Variants in COMT observed in about 807,000 individuals in gnomAD.
COMT encodes the protein catechol O-methyltransferase.
COMT carries 13 observed loss-of-function variants against 18.9 expected under a neutral mutation model. The ratio of observed to expected loss-of-function variants is 0.69; its 90% CI spans 0.45 to 1.09. The LOEUF is 1.09. Among genes scored for constraint, COMT ranks in the 50% least tolerant of loss-of-function variants. The pLI, the probability that COMT is intolerant of heterozygous loss-of-function variation, is 0.00. For synonymous variants in COMT, 150 were observed against 160.9 expected, an observed-to-expected ratio of 0.93 and a Z score of 0.51; for missense variants, 329 against 361.8, an observed-to-expected ratio of 0.91 and a Z score of 0.73.
Position 19,962,726 on chromosome 22 carries a change from C to T in COMT, c.200C>T (p.Ala67Val), listed in dbSNP as rs757163626. The change falls in exon 3 of 6, where the codon GCG becomes GTG. Residue 67 changes from alanine (A) to valine (V), a missense_variant. Transcript: ENST00000361682. ...ATCCTGAACCACGTGCTGCAGCATGCGGAGCCCGGGAACGCACAGAGCGTG... is the reference window on the plus strand; with the variant it reads ...ATCCTGAACCACGTGCTGCAGCATGTGGAGCCCGGGAACGCACAGAGCGTG... ...QRILNHVLQH[A>V]EPGNAQSVLE... 7.4e-6 allele frequency: 12 copies of T among 1,613,574 alleles called. No individual in the cohort carries two copies. The highest frequency in any genetic ancestry group is 1.7e-5 in the Admixed American group (1 of 59,994).
In COMT at chr22:19,950,261, T is replaced by TTTTTTTTTTTTG. The variant is rs763598655; in HGVS notation, c.-92+8366_-92+8367insTTTTTTTTTGTT. ...CTTTTCTTTTTTTTTTTTTTTTTTTTTTCTGTAGAGACAAGGTCTTGCTGT... is the reference window on the plus strand; with the variant it reads ...CTTTTCTTTTTTTTTTTTTTTTTTTTTTTTTTTTTTTGTTCTGTAGAGACAAGGTCTTGCTGT... On this transcript the variant is annotated intron_variant, in intron 1 of 5. Coordinates refer to ENST00000361682, the MANE Select transcript of COMT (RefSeq NM_000754.4). 2.2e-3 allele frequency among the ~76,000 whole-genome samples: 291 copies of TTTTTTTTTTTTG among 132,776 alleles called. 1 individual carries two copies. Among genetic ancestry groups the TTTTTTTTTTTTG allele is most frequent in the Middle Eastern group, 5.2e-3 (1 of 194 alleles). 87.1% of individuals were successfully genotyped at this position (132,776 alleles called of 152,430 possible).
At chr22:19,961,380 C>T (rs1942188506) in intron 2 of COMT, 91 bp downstream of exon 2, 1 of 152,306 alleles carries the variant, frequency 6.6e-6, no homozygotes, top group South Asian at 2.1e-4. Context: ...CACATGTCCA[C>T]TCTGCCTGTG....
rs755825980 is a variant in COMT at position 19,962,799 on chromosome 22, C to G, written c.273C>G (p.Asn91Lys). ...TYCEQKEWAMNVGDKKGKIVD... is the reference protein window; with the variant it reads ...TYCEQKEWAMKVGDKKGKIVD... Reference sequence around the variant, plus strand: ...GCGAGCAGAAGGAGTGGGCCATGAACGTGGGCGACAAGAAAGGTGGGGTCC... The same window carrying G: ...GCGAGCAGAAGGAGTGGGCCATGAAGGTGGGCGACAAGAAAGGTGGGGTCC... The change falls in exon 3 of 6, where the codon AAC (asparagine) becomes AAG (lysine). Residue 91 changes from asparagine to lysine, a missense_variant. Asn to Lys is a moderately conservative substitution (Grantham distance 94). Transcript: ENST00000361682. The G allele has an allele frequency of 1.2e-6, 2 of 1,604,774 alleles. No individual in the cohort carries two copies. Among genetic ancestry groups the G allele is most frequent in the Non-Finnish European group, 1.7e-6 (2 of 1,172,554 alleles).
intron 1 of COMT, among the ~76,000 whole-genome samples, chr22:19,942,672 G>C (rs1941760474): frequency 6.6e-6 from 1 of 152,210 alleles, no homozygotes; most frequent in Non-Finnish European, 1.5e-5. Flanking sequence ...CTGCCCTGCA[G>C]AGCCCAGTGA....
chr22:19,962,979 G>T, intron 3 of COMT, 164 bp downstream of exon 3: 1 of 886,334 alleles, frequency 1.1e-6, no homozygotes, highest in Non-Finnish European at 1.7e-6. Flanking sequence ...CAGGGTGCCA[G>T]GGTCCCTGAT....
chr22:19,962,572 C>CTGGTGCTGCTGG lies in COMT; in HGVS notation c.58_69dup (p.Val20_Leu23dup), dbSNP rs1942218448. ...GCTGTTGGCAGCTGTGTTGCTGGGC[C>CTGGTGCTGCTGG]TGGTGCTGCTGGTGGTGCTGCTGCT... On this transcript the variant is annotated inframe_insertion, in exon 3 of 6. Coordinates refer to ENST00000361682, the MANE Select transcript of COMT (RefSeq NM_000754.4). 5.7e-6 allele frequency: 9 copies of CTGGTGCTGCTGG among 1,569,448 alleles called. No homozygotes were observed. The highest frequency in any genetic ancestry group is 7.8e-6 in the Non-Finnish European group (9 of 1,157,838).
rs1392426683 is a variant in COMT, at chr22:19,946,914, T to G, written c.-92+5017T>G. On this transcript the variant is annotated intron_variant, in intron 1 of 5. Coordinates refer to ENST00000361682, the MANE Select transcript of COMT (RefSeq NM_000754.4). The stretch of plus-strand genomic sequence containing the variant: ...ATTAAAAAAAATTTTTTTTTAGTTT[T>G]TTTTTTTTTTTTTTTTTTTGAGACA... Among the ~76,000 whole-genome samples the G allele has an allele frequency of 9.1e-5, 13 of 142,502 alleles. 1 individual carries two copies. Among genetic ancestry groups the G allele is most frequent in the Non-Finnish European group, 1.5e-4 (10 of 64,970 alleles). 93.5% of individuals were successfully genotyped at this position (142,502 alleles called of 152,430 possible). A position where few individuals can be genotyped will look rare whatever the true frequency, so the allele number is the denominator to read the frequency against.
intron 1 of COMT, among the ~76,000 whole-genome samples, chr22:19,955,919 C>T (rs537928670): frequency 6.6e-6 from 1 of 152,244 alleles, no homozygotes; most frequent in South Asian, 2.1e-4. Context: ...TGCTGTGCAG[C>T]CCAGTCTTTC....
intron 2 of COMT, 40 bp from the exon 3 acceptor site, chr22:19,962,487 G>C (rs753104108): frequency 1.9e-6 from 3 of 1,549,652 alleles, no homozygotes; most frequent in Non-Finnish European, 2.6e-6. Flanking sequence ...GCTGCAGGAG[G>C]AGCACAGAGC....
chr22:19,953,525 C>A (rs2146142105), intron 1 of COMT, among the ~76,000 whole-genome samples: 1 of 152,262 alleles, frequency 6.6e-6, no homozygotes, highest in Middle Eastern at 3.4e-3. Context: ...CAACTCCAGA[C>A]CTTGTGATCT....
At chr22:19,965,809 G>C (rs924576805) in intron 5 of COMT, among the ~76,000 whole-genome samples, 4 of 152,140 alleles carry the variant, frequency 2.6e-5, no homozygotes, top group African/African-American at 9.7e-5. Flanking sequence ...GTGGCCAAGG[G>C]GGTGGGCATT....
chr22:19,946,979 G>T (rs534688471), intron 1 of COMT, among the ~76,000 whole-genome samples: 1 of 138,410 alleles, frequency 7.2e-6, no homozygotes, highest in Admixed American at 8.0e-5. Context: ...GCAGTGGCAC[G>T]ATCTCGGCTC....
chr22:19,961,722 TCTGC>T (rs1056872092), intron 2 of COMT: 2 of 152,296 alleles, frequency 1.3e-5, no homozygotes, highest in Non-Finnish European at 2.9e-5. Context: ...CCCCTGGGCT[TCTGC>T]CTCAGGCCTC....
At chr22:19,959,801 CCCCA>C (rs1942151677) in intron 1 of COMT, among the ~76,000 whole-genome samples, 1 of 23,568 alleles carries the variant, frequency 4.2e-5, no homozygotes. Context: ...CTTCCCCATC[CCCCA>C]TGGCTCTTGG....
In COMT at chr22:19,968,519, C is replaced by T. The variant is rs761850766; in HGVS notation, c.616-17C>T. 4.3e-6 allele frequency: 7 copies of T among 1,612,116 alleles called. No homozygotes were observed. The highest frequency in any genetic ancestry group is 1.7e-5 in the Admixed American group (1 of 59,818). The stretch of plus-strand genomic sequence containing the variant: ...ACCTCTGACCCTCACCTCCCCCACC[C>T]CCCGGTCTGTTTGCAGGAATGTGGC... On this transcript the variant is annotated splice_polypyrimidine_tract_variant and intron_variant, in intron 5 of 5. Transcript: ENST00000361682.
chr22:19,959,172 G>C (rs1412772802), intron 1 of COMT, among the ~76,000 whole-genome samples: 1 of 152,230 alleles, frequency 6.6e-6, no homozygotes, highest in Non-Finnish European at 1.5e-5. Context: ...CCCCATGGAG[G>C]GCTGACGGGG....
chr22:19,963,583 G>T lies in COMT; in HGVS notation c.307G>T (p.Val103Leu). 6.2e-7 allele frequency: 1 copy of T among 1,612,580 alleles called. No homozygotes were observed. ...GDKKGKIVDA[V>L]IQEHQPSVLL... ...CTGCACAGGCAAGATCGTGGACGCC[G>T]TGATTCAGGAGCACCAGCCCTCCGT... The change falls in exon 4 of 6, where the codon GTG becomes TTG. Residue 103 changes from valine to leucine, a missense_variant. Physicochemically the swap from Val to Leu is conservative, Grantham distance 32. Coordinates refer to ENST00000361682, the MANE Select transcript of COMT (RefSeq NM_000754.4).
Position 19,962,695 on chromosome 22 carries a change from C to T in COMT, c.169C>T (p.Gln57Ter), listed in dbSNP as rs756145905. ...HNLLMGDTKE[Q>*]RILNHVLQHA... ...CCTGCTCATGGGTGACACCAAGGAG[C>T]AGCGCATCCTGAACCACGTGCTGCA... The change falls in exon 3 of 6, where the codon CAG becomes TAG. Residue 57 changes from glutamine (Q) to a stop codon, truncating the protein, a stop_gained. Coordinates refer to ENST00000361682, the MANE Select transcript of COMT (RefSeq NM_000754.4). LOFTEE classifies it high-confidence loss of function. 5 of 1,613,634 alleles carry T rather than the reference C, an allele frequency of 3.1e-6. No individual in the cohort carries two copies. In the South Asian group the frequency reaches 5.5e-5, roughly 18 times the overall value.
At position 19,968,679 on chromosome 22, in the gene COMT, G is replaced by A. The variant is rs777714694; in HGVS notation, c.759G>A (p.Val253=). 6.2e-7 allele frequency: 1 copy of A among 1,613,940 alleles called. No homozygotes were observed. Among genetic ancestry groups the A allele is most frequent in the South Asian group, 1.1e-5 (1 of 91,086 alleles). Reference sequence around the variant, plus strand: ...AATCGTTCCTGGAATACAGGGAGGTGGTGGACGGCCTGGAGAAGGCCATCT... The same window carrying A: ...AATCGTTCCTGGAATACAGGGAGGTAGTGGACGGCCTGGAGAAGGCCATCT... The part of the protein sequence containing the change: ...HYQSFLEYRE[V]VDGLEKAIYK... The change falls in exon 6 of 6, where the codon GTG becomes GTA. Residue 253 remains valine (V), a synonymous_variant. Coordinates refer to ENST00000361682, the MANE Select transcript of COMT (RefSeq NM_000754.4).
Sources: allele counts gnomAD v4.1 joint callset (sites outside exome capture counted in the v4.1 genomes callset), GRCh38; gene constraint gnomAD v4.1.1; transcripts MANE v1.5; gene names NCBI Gene and HGNC (gene_info 2026-07-23, HGNC 2026-07-21).